Variants in BMP5 observed in about 807,000 individuals in gnomAD.
BMP5 encodes bone morphogenetic protein 5.
In BMP5, 23 loss-of-function variants were observed where a neutral mutation model predicts 46.6. The observed-to-expected ratio is 0.49, with a 90% CI of 0.35 to 0.70. The LOEUF (loss-of-function observed/expected upper bound fraction) is 0.70. BMP5 is among the 30% of genes least tolerant of loss of function. BMP5 has a pLI of 0.00. For missense variants in BMP5, 545 were observed against 565.6 expected (o/e 0.96, Z 0.37); for synonymous variants, 204 against 191.9 (o/e 1.06, Z -0.52).
At chr6:55,812,837 C>CT (rs889825807) in intron 2 of BMP5, among the ~76,000 whole-genome samples, 1 of 152,142 alleles carries the variant, frequency 6.6e-6, no homozygotes, top group Non-Finnish European at 1.5e-5. Flanking sequence ...TTTAAAATTA[C>CT]TTTTCAAATT....
intron 1 of BMP5, among the ~76,000 whole-genome samples, chr6:55,861,380 T>C (rs568503752): frequency 6.6e-6 from 1 of 152,320 alleles, no homozygotes; most frequent in South Asian, 2.1e-4. Context: ...TTTATTCCAA[T>C]CTCCAACCCT....
intron 3 of BMP5, among the ~76,000 whole-genome samples, chr6:55,775,002 C>A (rs1384253832): frequency 6.6e-6 from 1 of 151,918 alleles, no homozygotes; most frequent in African/African-American, 2.4e-5. Flanking sequence ...GCAAACCAAG[C>A]CTGGAGACTC....
At chr6:55,858,865 G>A (rs926510542) in intron 1 of BMP5, among the ~76,000 whole-genome samples, 6 of 152,102 alleles carry the variant, frequency 3.9e-5, no homozygotes, top group African/African-American at 1.4e-4. Context: ...ACTAACACAG[G>A]AATAGAAAAC....
At chr6:55,817,724 T>C (rs9367665) in intron 2 of BMP5, among the ~76,000 whole-genome samples, 77,731 of 151,744 alleles carry the variant, frequency 0.51, 22,329 homozygotes, top group African/African-American at 0.79. Context: ...ACATTGTGCA[T>C]ATGTACCCTA....
Position 55,760,493 on chromosome 6 carries a change from G to A in BMP5, c.1068C>T (p.His356=), listed in dbSNP as rs141227178. The change falls in exon 5 of 7, where the codon CAC becomes CAT. Residue 356 remains histidine, a synonymous_variant. Transcript: ENST00000370830. The part of the protein sequence containing the change: ...TSEQKQACKK[H]ELYVSFRDLG... ...GATCCCGGAAGCTCACATAGAGTTCGTGCTTCTTACAGGCTTGTTTTTGCT... is the reference window on the plus strand; with the variant it reads ...GATCCCGGAAGCTCACATAGAGTTCATGCTTCTTACAGGCTTGTTTTTGCT... The A allele has an allele frequency of 5.7e-4, 918 of 1,613,082 alleles. 2 individuals are homozygous for A. The African/African-American group carries it at 0.011, about 19-fold the overall frequency.
intron 1 of BMP5, among the ~76,000 whole-genome samples, chr6:55,826,867 C>A (rs931286378): frequency 6.6e-6 from 1 of 151,638 alleles, no homozygotes; most frequent in Non-Finnish European, 1.5e-5. Context: ...AGTTAGTTAT[C>A]ACAAAGCCAG....
At chr6:55,805,962 G>A (rs1054119517) in intron 2 of BMP5, among the ~76,000 whole-genome samples, 1 of 151,818 alleles carries the variant, frequency 6.6e-6, no homozygotes, top group African/African-American at 2.4e-5. Flanking sequence ...TAGATTCTGG[G>A]TATCAGACCT....
intron 1 of BMP5, among the ~76,000 whole-genome samples, chr6:55,829,841 T>C (rs946297002): frequency 6.6e-6 from 1 of 152,040 alleles, no homozygotes; most frequent in Non-Finnish European, 1.5e-5. Context: ...TATATTCTCA[T>C]TGATTTTTTC....
At position 55,755,602 on chromosome 6, in the gene BMP5, A is replaced by G. The variant is rs541402245; in HGVS notation, c.1296T>C (p.Phe432=). The G allele has an allele frequency of 9.3e-6, 15 of 1,612,320 alleles. No individual in the cohort carries two copies. The highest frequency in any genetic ancestry group is 1.7e-4 in the Middle Eastern group (1 of 6,052). ...TKLNAISVLY[F]DDSSNVILKK... ...TCAAAATGACATTGGAGCTGTCATC[A>G]AAGTACAGAACAGAGATGGCATTTA... Residue 432 remains phenylalanine, a synonymous_variant, in exon 7 of 7, where the codon TTT becomes TTC. Transcript: ENST00000370830.
rs199970741 is a variant in BMP5, at chr6:55,798,167, G to A, written c.684-3740C>T. On this transcript the variant is annotated intron_variant, in intron 2 of 6. Coordinates refer to ENST00000370830, the MANE Select transcript of BMP5 (RefSeq NM_021073.4). ...TCCTCTTTTCATAAGGACACCAGTC[G>A]TATTGGGTTAGGATTCATTCTACTG... Among the ~76,000 whole-genome samples, 33 of 152,186 alleles carry A rather than the reference G, an allele frequency of 2.2e-4. No homozygotes were observed. In the East Asian group the frequency reaches 3.3e-3, roughly 15 times the overall value.
chr6:55,874,672 G>T lies in BMP5; in HGVS notation c.194C>A (p.Pro65His). 1 of 1,613,458 alleles carries T rather than the reference G, an allele frequency of 6.2e-7. No homozygotes were observed. The highest frequency in any genetic ancestry group is 8.5e-7 in the Non-Finnish European group (1 of 1,179,670). The change falls in exon 1 of 7, where the codon CCC (proline) becomes CAC (histidine). Residue 65 changes from proline to histidine, a missense_variant. Transcript: ENST00000370830. ...TTGTTTTCCAGGTGAAAATGGTCTGGGTCTGTGAGGCAAACCCAAGATAGA... is the reference window on the plus strand; with the variant it reads ...TTGTTTTCCAGGTGAAAATGGTCTGTGTCTGTGAGGCAAACCCAAGATAGA... ...ILSILGLPHR[P>H]RPFSPGKQAS...
rs868777976 is a variant in BMP5, at chr6:55,819,817, C to T, written c.521G>A (p.Arg174Gln). 2 of 1,613,544 alleles carry T rather than the reference C, an allele frequency of 1.2e-6. No individual in the cohort carries two copies. Among genetic ancestry groups the T allele is most frequent in the Non-Finnish European group, 1.7e-6 (2 of 1,179,852 alleles). The change falls in exon 2 of 7, where the codon CGA becomes CAA. Residue 174 changes from arginine to glutamine, a missense_variant. Arg to Gln is a conservative substitution (Grantham distance 43). Transcript: ENST00000370830. The stretch of plus-strand genomic sequence containing the variant: ...AAATCGAAATTCTTTGTAATGCCTT[C>T]GCTGGTGAGAAAAATCCTTGTCTCT... ...VERDKDFSHQ[R>Q]RHYKEFRFDL...
intron 1 of BMP5, among the ~76,000 whole-genome samples, chr6:55,829,578 T>G (rs887990023): frequency 2.0e-5 from 3 of 151,878 alleles, no homozygotes; most frequent in South Asian, 2.1e-4. Flanking sequence ...ATGTCACACA[T>G]TTATTTTCAG....
At chr6:55,836,959 T>C (rs1776810074) in intron 1 of BMP5, among the ~76,000 whole-genome samples, 1 of 152,136 alleles carries the variant, frequency 6.6e-6, no homozygotes, top group African/African-American at 2.4e-5. Flanking sequence ...TCTTCAAATT[T>C]GTAAGAAGTA....
intron 2 of BMP5, among the ~76,000 whole-genome samples, chr6:55,815,322 G>C (rs1776233364): frequency 6.6e-6 from 1 of 152,024 alleles, no homozygotes; most frequent in Non-Finnish European, 1.5e-5. Context: ...CTCAATAGCA[G>C]ATGTTCAAAA....
chr6:55,772,423 CA>C (rs1459427411), intron 4 of BMP5, among the ~76,000 whole-genome samples: 1 of 151,790 alleles, frequency 6.6e-6, no homozygotes, highest in African/African-American at 2.4e-5. Flanking sequence ...TAATTTCCTC[CA>C]AAATTATTTA....
intron 2 of BMP5, among the ~76,000 whole-genome samples, chr6:55,794,849 A>G (rs1054730370): frequency 2.0e-5 from 3 of 152,292 alleles, no homozygotes; most frequent in East Asian, 1.9e-4. Context: ...CACAGGCAGG[A>G]TGTAATGCAA....
chr6:55,771,570 G>T (rs1309608666), intron 4 of BMP5, among the ~76,000 whole-genome samples: 1 of 151,774 alleles, frequency 6.6e-6, no homozygotes, highest in Non-Finnish European at 1.5e-5. Context: ...TTCTGTGCTG[G>T]TTTCTGTTCT....
intron 3 of BMP5, among the ~76,000 whole-genome samples, chr6:55,779,414 A>G (rs958565405): frequency 6.6e-6 from 1 of 152,042 alleles, no homozygotes; most frequent in African/African-American, 2.4e-5. Flanking sequence ...AAATCAGTGT[A>G]TTATCTCCCA....
Sources: gnomAD v4.1 joint callset for allele counts (sites outside exome capture counted in the v4.1 genomes callset) on GRCh38, gnomAD v4.1.1 for gene constraint, MANE v1.5 for transcripts, NCBI Gene and HGNC (gene_info 2026-07-23, HGNC 2026-07-21) for gene names.